CPQ: variants seen among roughly 807,000 people sequenced by gnomAD.
CPQ encodes the protein carboxypeptidase Q.
In CPQ, 37 loss-of-function variants were observed where a neutral mutation model predicts 45.7. The observed-to-expected ratio is 0.81, with a 90% CI of 0.62 to 1.07. The LOEUF (loss-of-function observed/expected upper bound fraction) is 1.07. CPQ is among the 50% of genes least tolerant of loss of function. CPQ has a pLI of 0.00. For missense variants in CPQ, 537 were observed against 572.9 expected, an observed-to-expected ratio of 0.94 and a Z score of 0.64; for synonymous variants, 186 against 205.8, an observed-to-expected ratio of 0.90 and a Z score of 0.82.
At chr8:96,814,587 A>T (rs1259266435) in intron 2 of CPQ, among the ~76,000 whole-genome samples, 1 of 152,184 alleles carries the variant, frequency 6.6e-6, no homozygotes, top group Non-Finnish European at 1.5e-5. Flanking sequence ...TGCCCTCAAC[A>T]TATATATCAT....
chr8:97,042,738 T>G (rs1359975390), intron 6 of CPQ, among the ~76,000 whole-genome samples: 2 of 151,676 alleles, frequency 1.3e-5, no homozygotes, highest in Non-Finnish European at 3.0e-5. Flanking sequence ...TTCATTTCGT[T>G]ATGTACCCAG....
chr8:97,055,515 C>T (rs1470669149), intron 6 of CPQ: 1 of 152,158 alleles, frequency 6.6e-6, no homozygotes, highest in Non-Finnish European at 1.5e-5. Flanking sequence ...TCATTTCTCC[C>T]ATTTTCTAAA....
At chr8:96,932,073 A>T (rs1205226551) in intron 4 of CPQ, among the ~76,000 whole-genome samples, 1 of 152,212 alleles carries the variant, frequency 6.6e-6, no homozygotes, top group African/African-American at 2.4e-5. Context: ...CATATTTTTT[A>T]AAAATGCAGA....
intron 4 of CPQ, among the ~76,000 whole-genome samples, chr8:96,896,088 G>A (rs1365247089): frequency 3.3e-5 from 5 of 152,022 alleles, no homozygotes; most frequent in African/African-American, 7.2e-5. Context: ...TGGAATCAAA[G>A]CAAATGAGGG....
chr8:96,953,695 ATTTTAT>A (rs1388212913), intron 4 of CPQ, among the ~76,000 whole-genome samples: 1 of 152,090 alleles, frequency 6.6e-6, no homozygotes, highest in Non-Finnish European at 1.5e-5. Context: ...CAACAGCATT[ATTTTAT>A]TTTTATCAAT....
intron 4 of CPQ, among the ~76,000 whole-genome samples, chr8:96,913,399 T>G (rs761382210): frequency 6.6e-6 from 1 of 152,206 alleles, no homozygotes; most frequent in Admixed American, 6.5e-5. Context: ...AAATGCGGTG[T>G]GCTTCCCTAG....
At chr8:96,940,270 A>G (rs1813107243) in intron 4 of CPQ, among the ~76,000 whole-genome samples, 1 of 152,202 alleles carries the variant, frequency 6.6e-6, no homozygotes, top group African/African-American at 2.4e-5. Context: ...AAATCCATAT[A>G]CAAATCATGG....
chr8:97,001,680 A>G (rs1280766673), intron 5 of CPQ, among the ~76,000 whole-genome samples: 1 of 131,228 alleles, frequency 7.6e-6, no homozygotes, highest in Non-Finnish European at 1.7e-5. Flanking sequence ...ATCAATGTTT[A>G]TTAAGGATAC....
intron 7 of CPQ, among the ~76,000 whole-genome samples, chr8:97,130,344 T>C (rs975211134): frequency 6.6e-6 from 1 of 152,054 alleles, no homozygotes; most frequent in African/African-American, 2.4e-5. Flanking sequence ...ATTCTGGAGT[T>C]TGAGTATAAA....
At chr8:97,039,228 A>G (rs1193662964) in intron 6 of CPQ, among the ~76,000 whole-genome samples, 2 of 152,226 alleles carry the variant, frequency 1.3e-5, no homozygotes, top group Non-Finnish European at 2.9e-5. Context: ...AAGCAAGAAC[A>G]GAACCCTTTA....
chr8:96,752,280 T>C (rs1395538716), intron 1 of CPQ, among the ~76,000 whole-genome samples: 1 of 152,212 alleles, frequency 6.6e-6, no homozygotes, highest in Non-Finnish European at 1.5e-5. Flanking sequence ...GTTTCTCCAT[T>C]TGTTTGTGTC....
At chr8:96,814,680 A>C (rs887542374) in intron 2 of CPQ, among the ~76,000 whole-genome samples, 4 of 152,168 alleles carry the variant, frequency 2.6e-5, no homozygotes, top group African/African-American at 9.7e-5. Context: ...TATAGAAATG[A>C]GTAAGGCACA....
At chr8:97,061,853 G>A (rs1345110405) in intron 6 of CPQ, among the ~76,000 whole-genome samples, 1 of 152,096 alleles carries the variant, frequency 6.6e-6, no homozygotes, top group Non-Finnish European at 1.5e-5. Flanking sequence ...ACAATGTACT[G>A]TTTTTGACAA....
Position 97,122,154 on chromosome 8 carries a change from T to G in CPQ, c.1256-20866T>G, listed in dbSNP as rs1402736784. Among the ~76,000 whole-genome samples the G allele has an allele frequency of 2.6e-5, 4 of 152,232 alleles. No individual in the cohort carries two copies. In the East Asian group the frequency reaches 5.8e-4, roughly 22 times the overall value. ...AATTAATGACTACAATTTTTCCAAA[T>G]GTAATAACAACTATAAACTGACATA... is the stretch of plus-strand genomic sequence containing the variant. On this transcript the variant is annotated intron_variant, in intron 7 of 7. Transcript: ENST00000220763.
At chr8:96,936,551 A>C (rs887513893) in intron 4 of CPQ, among the ~76,000 whole-genome samples, 6 of 152,212 alleles carry the variant, frequency 3.9e-5, no homozygotes, top group African/African-American at 1.4e-4. Context: ...GAACCAGTAC[A>C]GGTCTCTGAT....
At chr8:97,101,615 C>T (rs1811308016) in intron 7 of CPQ, among the ~76,000 whole-genome samples, 1 of 128,680 alleles carries the variant, frequency 7.8e-6, no homozygotes, top group East Asian at 2.5e-4. Context: ...GAAAAGGAAT[C>T]CAACTGAGTT....
intron 2 of CPQ, 55 bp from the exon 3 acceptor site, chr8:96,834,918 T>A (rs1327751040): frequency 6.5e-7 from 1 of 1,527,216 alleles, no homozygotes; most frequent in East Asian, 2.3e-5. Context: ...CCTGTGCCAA[T>A]TCAACCCAGC....
chr8:96,696,207 C>T (rs372315064), intron 1 of CPQ, among the ~76,000 whole-genome samples: 44 of 151,300 alleles, frequency 2.9e-4, no homozygotes, highest in East Asian at 1.4e-3. Context: ...AACCAAACAC[C>T]GCATATTCTC....
At chr8:96,771,559 A>T (rs1484897230) in intron 1 of CPQ, among the ~76,000 whole-genome samples, 2 of 152,124 alleles carry the variant, frequency 1.3e-5, no homozygotes, top group Admixed American at 6.6e-5. Context: ...TACAGTCTGG[A>T]TGCTTACTTT....
Sources: gnomAD v4.1 joint callset for allele counts (sites outside exome capture counted in the v4.1 genomes callset) on GRCh38, gnomAD v4.1.1 for gene constraint, MANE v1.5 for transcripts, NCBI Gene and HGNC (gene_info 2026-07-23, HGNC 2026-07-21) for gene names.